Variants in ALDH6A1 observed in about 807,000 individuals in gnomAD.
ALDH6A1 encodes the protein aldehyde dehydrogenase 6 family member A1, also known as methylmalonate-semialdehyde/malonate-semialdehyde dehydrogenase [acylating], mitochondrial.
ALDH6A1 carries 43 observed loss-of-function variants against 62.6 expected under a neutral mutation model. The observed-to-expected ratio is 0.69, with a 90% CI of 0.54 to 0.89. The LOEUF (loss-of-function observed/expected upper bound fraction) is 0.89, where lower values mean the gene tolerates loss of function less well. ALDH6A1 is among the 40% of genes least tolerant of loss of function. The probability of loss-of-function intolerance (pLI) is 0.00; values close to 1 mark genes in which losing one functional copy is unlikely to be tolerated. For missense variants in ALDH6A1, 551 were observed against 661.3 expected (o/e 0.83, Z 1.83); for synonymous variants, 194 against 234.2 (o/e 0.83, Z 1.57).
chr14:74,064,578 A>C lies in ALDH6A1; in HGVS notation c.1503+244T>G. On this transcript the variant is annotated intron_variant, in intron 11 of 11. Coordinates refer to ENST00000553458, the MANE Select transcript of ALDH6A1 (RefSeq NM_005589.4). ...GGGTCACACACTCAGGAAATGGCATATACAAAGGCTTAGACTTCCCCATGC... is the reference window on the plus strand; with the variant it reads ...GGGTCACACACTCAGGAAATGGCATCTACAAAGGCTTAGACTTCCCCATGC... 4 of 1,014,082 alleles carry C rather than the reference A, an allele frequency of 3.9e-6. No homozygotes were observed. In the South Asian group the frequency reaches 5.1e-5, roughly 13 times the overall value. 62.8% of individuals were successfully genotyped at this position (1,014,082 alleles called of 1,614,324 possible).
chr14:74,064,953 G>A, intron 10 of ALDH6A1, 33 bp from the exon 11 acceptor site: 2 of 1,586,082 alleles, frequency 1.3e-6, no homozygotes, highest in Non-Finnish European at 1.7e-6. Context: ...CATATCCTAA[G>A]GACAAAGGAA....
chr14:74,070,386 G>C (rs760847451), intron 6 of ALDH6A1, among the ~76,000 whole-genome samples: 1 of 152,100 alleles, frequency 6.6e-6, no homozygotes, highest in Non-Finnish European at 1.5e-5. Context: ...GGGCACGGTG[G>C]CGCATGCCTG....
At chr14:74,074,113 C>T (rs1289998369) in intron 2 of ALDH6A1, among the ~76,000 whole-genome samples, 1 of 150,846 alleles carries the variant, frequency 6.6e-6, no homozygotes, top group Non-Finnish European at 1.5e-5. Flanking sequence ...CCCTCCCAGG[C>T]AGCTGGGACC....
chr14:74,072,868 C>T (rs901005244), intron 2 of ALDH6A1, among the ~76,000 whole-genome samples: 4 of 151,074 alleles, frequency 2.6e-5, no homozygotes, highest in Admixed American at 2.6e-4. Context: ...GGTATGATCT[C>T]GGCTCACTGC....
In ALDH6A1 at chr14:74,071,484, A is replaced by G; in HGVS notation, c.441T>C (p.His147=). 1.2e-6 allele frequency: 2 copies of G among 1,613,978 alleles called. No individual in the cohort carries two copies. Among genetic ancestry groups the G allele is most frequent in the Non-Finnish European group, 1.7e-6 (2 of 1,180,024 alleles). The change falls in exon 6 of 12, where the codon CAT becomes CAC. Residue 147 remains histidine, a synonymous_variant. Coordinates refer to ENST00000553458, the MANE Select transcript of ALDH6A1 (RefSeq NM_005589.4). ...TCATGAGGGATGTCACACTACAGGC[A>G]TGCTCAACCACCTCTGGAACACAGA... The part of the protein sequence containing the change: ...DVFRGLQVVE[H]ACSVTSLMMG...
chr14:74,078,897 T>A (rs1387670030), intron 1 of ALDH6A1, among the ~76,000 whole-genome samples: 2 of 151,758 alleles, frequency 1.3e-5, no homozygotes, highest in Non-Finnish European at 2.9e-5. Context: ...ACTCCTGACC[T>A]CAGGTGATCT....
rs758646731 is a variant in ALDH6A1, at chr14:74,064,896, C to G, written c.1429G>C (p.Val477Leu). The G allele has an allele frequency of 6.2e-7, 1 of 1,614,058 alleles. No homozygotes were observed. Among genetic ancestry groups the G allele is most frequent in the Admixed American group, 1.7e-5 (1 of 60,004 alleles). Residue 477 changes from valine to leucine, a missense_variant, in exon 11 of 12, where the codon GTG (valine) becomes CTG (leucine). Val to Leu is a conservative substitution (Grantham distance 32, BLOSUM62 1). Coordinates refer to ENST00000553458, the MANE Select transcript of ALDH6A1 (RefSeq NM_005589.4). ...GQVGVNVPIP[V>L]PLPMFSFTGS... ...GTGAATGAGAACATTGGCAAAGGCA[C>G]TGGAATGGGGACATTCACTCCCACC...
intron 11 of ALDH6A1, 188 bp downstream of exon 11, chr14:74,064,634 A>G: frequency 6.3e-7 from 1 of 1,577,972 alleles, no homozygotes; most frequent in South Asian, 1.1e-5. Context: ...GCTTTGAATT[A>G]TTCAGGAAGA....
At chr14:74,074,343 A>G (rs1301989379) in intron 2 of ALDH6A1, among the ~76,000 whole-genome samples, 4 of 147,294 alleles carry the variant, frequency 2.7e-5, no homozygotes, top group Non-Finnish European at 1.5e-5. Flanking sequence ...CTGGAGTGCA[A>G]TGGTGCGATC....
intron 1 of ALDH6A1, among the ~76,000 whole-genome samples, chr14:74,080,037 T>A (rs1180703392): frequency 2.6e-5 from 4 of 151,290 alleles, no homozygotes; most frequent in Non-Finnish European, 4.4e-5. Flanking sequence ...GACCCTATCT[T>A]AAAAAAACAA....
At chr14:74,068,730 ACT>A (rs763319572) in intron 7 of ALDH6A1, 128 bp downstream of exon 7, 14 of 1,087,734 alleles carry the variant, frequency 1.3e-5, no homozygotes, top group Non-Finnish European at 1.7e-5. Flanking sequence ...TGACAGAGAG[ACT>A]CTGTCTCAAA....
At chr14:74,082,407 T>G (rs1031166056) in intron 1 of ALDH6A1, among the ~76,000 whole-genome samples, 13 of 141,476 alleles carry the variant, frequency 9.2e-5, no homozygotes, top group African/African-American at 2.1e-4. Context: ...TTTTTTTTTT[T>G]TTTTTTTTTT....
At chr14:74,082,019 C>A (rs2060673138) in intron 1 of ALDH6A1, among the ~76,000 whole-genome samples, 1 of 152,100 alleles carries the variant, frequency 6.6e-6, no homozygotes. Context: ...CCAGCCTGGG[C>A]AACATGGTGA....
intron 7 of ALDH6A1, 94 bp downstream of exon 7, chr14:74,068,766 G>T: frequency 1.4e-6 from 2 of 1,406,166 alleles, no homozygotes; most frequent in Non-Finnish European, 1.0e-6. Context: ...CACTGACATT[G>T]GAGTGGGATG....
intron 7 of ALDH6A1, among the ~76,000 whole-genome samples, chr14:74,067,807 C>T (rs2060491718): frequency 6.6e-6 from 1 of 151,928 alleles, no homozygotes; most frequent in South Asian, 2.1e-4. Context: ...AGTCTGTGGT[C>T]CCAGCTACTT....
intron 2 of ALDH6A1, among the ~76,000 whole-genome samples, chr14:74,072,860 T>G (rs995688420): frequency 1.3e-5 from 2 of 151,840 alleles, no homozygotes; most frequent in African/African-American, 4.8e-5. Context: ...CACACAGTGG[T>G]ATGATCTCGG....
intron 5 of ALDH6A1, 146 bp downstream of exon 5, chr14:74,071,750 T>C (rs2060552223): frequency 6.9e-7 from 1 of 1,444,040 alleles, no homozygotes; most frequent in African/African-American, 1.4e-5. Flanking sequence ...GGATACTGAA[T>C]ACTGCCATTT....
chr14:74,067,486 A>T lies in ALDH6A1; in HGVS notation c.936T>A (p.Ala312=). 6.2e-7 allele frequency: 1 copy of T among 1,614,250 alleles called. No individual in the cohort carries two copies. The highest frequency in any genetic ancestry group is 8.5e-7 in the Non-Finnish European group (1 of 1,180,046). Residue 312 remains alanine, a synonymous_variant, in exon 8 of 12, where the codon GCT becomes GCA. Coordinates refer to ENST00000553458, the MANE Select transcript of ALDH6A1 (RefSeq NM_005589.4). ...AAAGAGCCATGCAGCGCTGACCAGC[A>T]GCTCCAAATGCTGCCCCAACCAGCT... ...LNQLVGAAFG[A]AGQRCMALST... is the part of the protein sequence containing the mutation.
intron 1 of ALDH6A1, among the ~76,000 whole-genome samples, chr14:74,076,083 T>C (rs952255140): frequency 6.6e-6 from 1 of 152,156 alleles, no homozygotes; most frequent in Non-Finnish European, 1.5e-5. Context: ...GGGAAACTTT[T>C]TGGGGTGATG....
Sources: gnomAD v4.1 joint callset for allele counts (sites outside exome capture counted in the v4.1 genomes callset) on GRCh38, gnomAD v4.1.1 for gene constraint, MANE v1.5 for transcripts, NCBI Gene and HGNC (gene_info 2026-07-23, HGNC 2026-07-21) for gene names.